Variants in DIAPH3 observed in about 807,000 individuals in gnomAD.
The protein encoded by DIAPH3 is diaphanous related formin 3, also known as protein diaphanous homolog 3.
Under a neutral mutation model 144.3 loss-of-function variants are expected in DIAPH3, and 117 were observed. That is an observed-to-expected ratio of 0.81 (90% CI 0.70 to 0.95). The LOEUF (loss-of-function observed/expected upper bound fraction) is 0.95. Ranked by LOEUF, DIAPH3 falls within the 40% of genes least tolerant of loss-of-function variation. The pLI, the probability that DIAPH3 is intolerant of heterozygous loss-of-function variation, is 0.00. For synonymous variants in DIAPH3, 519 were observed against 488.9 expected (o/e 1.06, Z -0.81); for missense variants, 1,421 against 1,412.7 (o/e 1.01, Z -0.09).
intron 5 of DIAPH3, among the ~76,000 whole-genome samples, chr13:60,042,426 C>T (rs1183940644): frequency 6.6e-6 from 1 of 152,142 alleles, no homozygotes; most frequent in Non-Finnish European, 1.5e-5. Context: ...TCTCACATGA[C>T]AATTGTCTTT....
intron 17 of DIAPH3, among the ~76,000 whole-genome samples, chr13:59,968,594 A>G (rs1052561040): frequency 5.3e-5 from 8 of 152,204 alleles, no homozygotes; most frequent in Non-Finnish European, 1.2e-4. Flanking sequence ...ACCATTTTTA[A>G]TACTTTAGTC....
intron 1 of DIAPH3, among the ~76,000 whole-genome samples, chr13:60,156,946 T>A (rs1210644714): frequency 2.7e-3 from 156 of 57,986 alleles, no homozygotes; most frequent in African/African-American, 0.01. Context: ...TATATTTTTT[T>A]TTTTTTTTTT....
Position 59,851,635 on chromosome 13 carries a change from CTT to C in DIAPH3, c.2737+9770_2737+9771del, listed in dbSNP as rs200870976. The stretch of plus-strand genomic sequence containing the variant: ...CTGATTCAACAATGAATAGATGAAT[CTT>C]TTTTTTTTTTTTTTTTTTTTGAGAC... On this transcript the variant is annotated intron_variant, in intron 22 of 27. Transcript: ENST00000400324. 8.7e-3 allele frequency among the ~76,000 whole-genome samples: 981 copies of C among 112,362 alleles called. 6 individuals carry two copies. The highest frequency in any genetic ancestry group is 0.025 in the African/African-American group (799 of 31,456). The allele number at this position is 112,362 out of a possible 152,430, so 73.7% of individuals were successfully genotyped here. A position where few individuals can be genotyped will look rare whatever the true frequency, so the allele number is the denominator to read the frequency against.
intron 4 of DIAPH3, among the ~76,000 whole-genome samples, chr13:60,083,801 A>T (rs777215336): frequency 6.6e-6 from 1 of 151,928 alleles, no homozygotes; most frequent in Non-Finnish European, 1.5e-5. Context: ...CACTCTGGAA[A>T]GCTGAGGTTG....
chr13:59,668,897 T>C (rs934901113), intron 27 of DIAPH3, among the ~76,000 whole-genome samples: 1 of 151,820 alleles, frequency 6.6e-6, no homozygotes, highest in African/African-American at 2.4e-5. Context: ...ATCTTATGAA[T>C]AGCCTGTATT....
chr13:59,845,199 C>T (rs1169919739), intron 22 of DIAPH3, among the ~76,000 whole-genome samples: 4 of 151,958 alleles, frequency 2.6e-5, no homozygotes, highest in Non-Finnish European at 5.9e-5. Context: ...GCATAAACCA[C>T]CACCTGGCTT....
At chr13:60,051,673 T>TA (rs1206480159) in intron 4 of DIAPH3, among the ~76,000 whole-genome samples, 209 of 152,172 alleles carry the variant, frequency 1.4e-3, no homozygotes, top group African/African-American at 4.5e-3. Flanking sequence ...TGTGCCCTAC[T>TA]ATACAAGGGG....
intron 25 of DIAPH3, among the ~76,000 whole-genome samples, chr13:59,806,791 A>G (rs1456302486): frequency 6.6e-6 from 1 of 151,878 alleles, no homozygotes; most frequent in Non-Finnish European, 1.5e-5. Context: ...CCAATAAAAT[A>G]ATAATAGAAA....
chr13:59,824,122 CTATT>C lies in DIAPH3; in HGVS notation c.3027+8981_3027+8984del, dbSNP rs1474216834. 2.6e-5 allele frequency among the ~76,000 whole-genome samples: 4 copies of C among 151,824 alleles called. 1 individual carries two copies. The highest frequency in any genetic ancestry group is 5.9e-5 in the Non-Finnish European group (4 of 68,004). ...AGAGCTATACATGTGAAACAGGTAG[CTATT>C]TATTTATTTCACAGTATTCTATATG... is the stretch of plus-strand genomic sequence containing the variant. On this transcript the variant is annotated intron_variant, in intron 24 of 27. Transcript: ENST00000400324.
chr13:60,079,198 G>T (rs2057467223), intron 4 of DIAPH3, among the ~76,000 whole-genome samples: 1 of 152,030 alleles, frequency 6.6e-6, no homozygotes, highest in Non-Finnish European at 1.5e-5. Flanking sequence ...AGAAAACAAA[G>T]TTCACCAGAA....
intron 27 of DIAPH3, among the ~76,000 whole-genome samples, chr13:59,716,622 G>T (rs1002459734): frequency 5.3e-5 from 8 of 152,274 alleles, no homozygotes; most frequent in African/African-American, 1.9e-4. Context: ...AAACCCTTTT[G>T]AAGTAGACAT....
chr13:59,887,476 C>T (rs1050169135), intron 20 of DIAPH3, among the ~76,000 whole-genome samples: 2 of 151,882 alleles, frequency 1.3e-5, no homozygotes, highest in Admixed American at 6.6e-5. Flanking sequence ...TTTGGCCCAC[C>T]GGTAATTTTA....
At position 59,742,207 on chromosome 13, in the gene DIAPH3, C is replaced by T. The variant is rs138490675; in HGVS notation, c.3319+31982G>A. 1.1e-3 allele frequency among the ~76,000 whole-genome samples: 175 copies of T among 152,190 alleles called. 7 individuals are homozygous for T. The East Asian group carries it at 0.033, about 29-fold the overall frequency. On this transcript the variant is annotated intron_variant, in intron 27 of 27. Transcript: ENST00000400324. The stretch of plus-strand genomic sequence containing the variant: ...TCTCTACCTGGCCCCACCCTAGACA[C>T]GTGGGGATTATTACAATTCAAGGTG...
intron 7 of DIAPH3, among the ~76,000 whole-genome samples, chr13:60,014,206 C>G (rs1420440109): frequency 1.3e-5 from 2 of 152,090 alleles, no homozygotes; most frequent in Non-Finnish European, 2.9e-5. Context: ...GCTTTTCCAT[C>G]ACCAATGAAA....
intron 3 of DIAPH3, among the ~76,000 whole-genome samples, chr13:60,109,432 A>G (rs1373892075): frequency 8.5e-6 from 1 of 118,036 alleles, no homozygotes; most frequent in Non-Finnish European, 1.7e-5. Context: ...CCCGACCCCA[A>G]TCTAGTCTTG....
intron 4 of DIAPH3, among the ~76,000 whole-genome samples, chr13:60,058,919 T>C (rs2056660840): frequency 6.6e-6 from 1 of 151,924 alleles, no homozygotes; most frequent in Non-Finnish European, 1.5e-5. Flanking sequence ...TTGGGTACAA[T>C]GTACACTACC....
chr13:60,158,760 C>A (rs1019292876), intron 1 of DIAPH3, among the ~76,000 whole-genome samples: 3 of 151,990 alleles, frequency 2.0e-5, no homozygotes, highest in Non-Finnish European at 4.4e-5. Flanking sequence ...ATCCTCCCAG[C>A]AGGAGGTTGG....
chr13:59,822,698 C>G (rs1214350714), intron 24 of DIAPH3, among the ~76,000 whole-genome samples: 2 of 152,138 alleles, frequency 1.3e-5, no homozygotes, highest in East Asian at 3.9e-4. Context: ...CACTCGGCCT[C>G]CCAAAGTGCT....
intron 5 of DIAPH3, among the ~76,000 whole-genome samples, chr13:60,026,182 C>T (rs1312218334): frequency 6.6e-6 from 1 of 152,082 alleles, no homozygotes; most frequent in Non-Finnish European, 1.5e-5. Flanking sequence ...CCACCAGAAC[C>T]AGTTGGGTTT....
Sources: allele counts gnomAD v4.1 joint callset (sites outside exome capture counted in the v4.1 genomes callset), GRCh38; gene constraint gnomAD v4.1.1; transcripts MANE v1.5; gene names NCBI Gene and HGNC (gene_info 2026-07-23, HGNC 2026-07-21).